The following CD226 variants were observed in gnomAD, a reference collection of about 807,000 sequenced individuals.
CD226 encodes CD226 antigen.
Under a neutral mutation model 34.9 loss-of-function variants are expected in CD226, and 24 were observed. The ratio of observed to expected loss-of-function variants is 0.69; its 90% CI spans 0.50 to 0.97. CD226 has a LOEUF of 0.97. Among genes scored for constraint, CD226 ranks in the 50% least tolerant of loss-of-function variants. CD226 has a pLI of 0.00. For missense variants in CD226, 397 were observed against 412.7 expected, an observed-to-expected ratio of 0.96 and a Z score of 0.33; for synonymous variants, 148 against 147.4, an observed-to-expected ratio of 1.00 and a Z score of -0.03.
Position 69,915,110 on chromosome 18 carries a change from A to G in CD226, c.383-19065T>C, listed in dbSNP as rs151142077. ...CACCATTTCATTTTATCCCTCTCAC[A>G]CAATAGCACCTGGACACGATTTCAA... is the stretch of plus-strand genomic sequence containing the variant. On this transcript the variant is annotated intron_variant, in intron 2 of 5. Coordinates refer to ENST00000582621, the MANE Select transcript of CD226 (RefSeq NM_001303618.2). Among the ~76,000 whole-genome samples the G allele has an allele frequency of 3.9e-5, 6 of 152,316 alleles. No individual in the cohort carries two copies. In the East Asian group the frequency reaches 1.2e-3, roughly 29 times the overall value.
At chr18:69,898,725 C>T (rs1027263443) in intron 2 of CD226, among the ~76,000 whole-genome samples, 2 of 152,142 alleles carry the variant, frequency 1.3e-5, no homozygotes, top group African/African-American at 4.8e-5. Context: ...AGACCTATTA[C>T]GAGGTCGGCC....
intron 5 of CD226, among the ~76,000 whole-genome samples, chr18:69,865,016 A>G (rs1201629276): frequency 6.6e-6 from 1 of 152,178 alleles, no homozygotes; most frequent in African/African-American, 2.4e-5. Context: ...TTTTTGAGTC[A>G]GAGTCTCGCT....
intron 2 of CD226, among the ~76,000 whole-genome samples, chr18:69,917,505 C>T (rs995485947): frequency 6.6e-6 from 1 of 152,190 alleles, no homozygotes; most frequent in South Asian, 2.1e-4. Flanking sequence ...GCACTTTATG[C>T]TCATATTTTA....
chr18:69,874,939 C>T (rs1983768374), intron 3 of CD226, among the ~76,000 whole-genome samples: 1 of 152,100 alleles, frequency 6.6e-6, no homozygotes, highest in Non-Finnish European at 1.5e-5. Context: ...AATAGTACTA[C>T]ATTGTGTCTA....
intron 3 of CD226, among the ~76,000 whole-genome samples, chr18:69,878,431 C>T (rs1984011229): frequency 6.6e-6 from 1 of 152,030 alleles, no homozygotes; most frequent in Non-Finnish European, 1.5e-5. Flanking sequence ...GTTATACACT[C>T]TTAGAAAAGG....
upstream of CD226, among the ~76,000 whole-genome samples, chr18:69,950,276 A>T (rs529771387): frequency 1.8e-4 from 28 of 152,198 alleles, no homozygotes; most frequent in Non-Finnish European, 3.7e-4. Context: ...TCTCTCTCTC[A>T]CACACATACT....
chr18:69,867,356 C>A lies in CD226; in HGVS notation c.885+1G>T, dbSNP rs760425838. Reference sequence around the variant, plus strand: ...AAAATGACAGTTCCGTATAAACTTACCTTCTGTGTATCCCAGGACTCTGTA... The same window carrying A: ...AAAATGACAGTTCCGTATAAACTTAACTTCTGTGTATCCCAGGACTCTGTA... On this transcript the variant is annotated splice_donor_variant, in intron 5 of 5. Coordinates refer to ENST00000582621, the MANE Select transcript of CD226 (RefSeq NM_001303618.2). LOFTEE classifies it high-confidence loss of function. 6.3e-7 allele frequency: 1 copy of A among 1,588,672 alleles called. No homozygotes were observed. The highest frequency in any genetic ancestry group is 8.6e-7 in the Non-Finnish European group (1 of 1,157,284).
In CD226 at chr18:69,864,185, C is replaced by T. The variant is rs1982985670; in HGVS notation, c.*129G>A. ...TGATTTTAGGTAATGAAGTATTTTTCCTATCAAAGTAACTCAATTCAGACA... is the reference window on the plus strand; with the variant it reads ...TGATTTTAGGTAATGAAGTATTTTTTCTATCAAAGTAACTCAATTCAGACA... On this transcript the variant is annotated 3_prime_UTR_variant, in exon 6 of 6. Coordinates refer to ENST00000582621, the MANE Select transcript of CD226 (RefSeq NM_001303618.2). 2 of 736,174 alleles carry T rather than the reference C, an allele frequency of 2.7e-6. No homozygotes were observed. The highest frequency in any genetic ancestry group is 4.4e-6 in the Non-Finnish European group (2 of 453,882). The allele number at this position is 736,174 out of a possible 1,614,324, so 45.6% of individuals were successfully genotyped here.
intron 2 of CD226, among the ~76,000 whole-genome samples, chr18:69,912,246 G>A (rs944871080): frequency 6.6e-6 from 1 of 152,148 alleles, no homozygotes; most frequent in Admixed American, 6.5e-5. Flanking sequence ...ATGGGCAAGG[G>A]CTTCATGCCT....
In CD226 at chr18:69,854,036, C is replaced by T. The variant is rs1185935823; in HGVS notation, c.*10278G>A. The T allele has an allele frequency of 6.6e-6, 1 of 152,082 alleles. No homozygotes were observed. The highest frequency in any genetic ancestry group is 1.5e-5 in the Non-Finnish European group (1 of 68,026). 9.4% of individuals were successfully genotyped at this position (152,082 alleles called of 1,614,324 possible). On this transcript the variant is annotated 3_prime_UTR_variant, in exon 6 of 6. Transcript: ENST00000582621. ...CAGGGCAAAGAGACAGGTCAGAAAC[C>T]ACGATAACAAAAAACATATGTGTTA...
intron 2 of CD226, among the ~76,000 whole-genome samples, chr18:69,907,033 G>C (rs1447435576): frequency 1.3e-5 from 2 of 152,170 alleles, no homozygotes; most frequent in African/African-American, 4.8e-5. Context: ...CTGATCCAGT[G>C]ACTGACCCTG....
At chr18:69,909,934 G>T (rs1023812768) in intron 2 of CD226, among the ~76,000 whole-genome samples, 5 of 152,162 alleles carry the variant, frequency 3.3e-5, no homozygotes, top group Admixed American at 1.3e-4. Context: ...GAAAAGTAAA[G>T]ATCAGTCTAT....
chr18:69,954,565 G>A (rs534146489), intron 1 of CD226, among the ~76,000 whole-genome samples: 10 of 152,092 alleles, frequency 6.6e-5, no homozygotes, highest in African/African-American at 9.6e-5. Flanking sequence ...ATCCACTCTC[G>A]GTGGTTTCTA....
chr18:69,934,279 T>TACATACAC lies in CD226; in HGVS notation c.382+12454_382+12455insGTGTATGT, dbSNP rs1555684029. Among the ~76,000 whole-genome samples, 685 of 73,206 alleles carry TACATACAC rather than the reference T, an allele frequency of 9.4e-3. 6 individuals are homozygous for TACATACAC. The highest frequency in any genetic ancestry group is 0.017 in the African/African-American group (645 of 37,428). 48.0% of individuals were successfully genotyped at this position (73,206 alleles called of 152,430 possible). The stretch of plus-strand genomic sequence containing the variant: ...GAAATGATCCTGTCCACACAGAGGA[T>TACATACAC]ACACACACACACACACACACACACA... On this transcript the variant is annotated intron_variant, in intron 2 of 5. Coordinates refer to ENST00000582621, the MANE Select transcript of CD226 (RefSeq NM_001303618.2).
At position 69,946,952 on chromosome 18, in the gene CD226, G is replaced by A. The variant is rs1367682918; in HGVS notation, c.164C>T (p.Thr55Ile). The change falls in exon 2 of 6, where the codon ACC becomes ATC. Residue 55 changes from threonine to isoleucine, a missense_variant. Physicochemically the swap from Thr to Ile is moderately conservative, Grantham distance 89. Transcript: ENST00000582621. The stretch of plus-strand genomic sequence containing the variant: ...GAAAATGGCTATGGAATCCTGCTGG[G>A]TCCCGATCTTGAACCACTCCACCTG... Reference protein sequence around the residue: ...LTQVEWFKIGTQQDSIAIFSP... With the variant: ...LTQVEWFKIGIQQDSIAIFSP... 6.2e-7 allele frequency: 1 copy of A among 1,614,154 alleles called. No individual in the cohort carries two copies. The highest frequency in any genetic ancestry group is 1.7e-5 in the Admixed American group (1 of 60,020).
chr18:69,907,763 T>G (rs1249551121), intron 2 of CD226, among the ~76,000 whole-genome samples: 1 of 152,158 alleles, frequency 6.6e-6, no homozygotes, highest in Non-Finnish European at 1.5e-5. Flanking sequence ...AGACATAGGA[T>G]TCTTCCTTTT....
intron 3 of CD226, among the ~76,000 whole-genome samples, chr18:69,892,656 T>C (rs1984973870): frequency 6.6e-6 from 1 of 152,226 alleles, no homozygotes; most frequent in Non-Finnish European, 1.5e-5. Flanking sequence ...GCCTGGATAC[T>C]TGACCTGCTG....
At chr18:69,928,323 G>C (rs2055548595) in intron 2 of CD226, among the ~76,000 whole-genome samples, 1 of 152,114 alleles carries the variant, frequency 6.6e-6, no homozygotes. Flanking sequence ...TATTGAGCAT[G>C]TCTCCTAAGG....
chr18:69,910,221 C>T (rs139445226), intron 2 of CD226, among the ~76,000 whole-genome samples: 1 of 152,330 alleles, frequency 6.6e-6, no homozygotes, highest in African/African-American at 2.4e-5. Context: ...ACCTTGGAGA[C>T]TTGCGTCCAA....
Sources: allele counts gnomAD v4.1 joint callset (sites outside exome capture counted in the v4.1 genomes callset), GRCh38; gene constraint gnomAD v4.1.1; transcripts MANE v1.5; gene names NCBI Gene and HGNC (gene_info 2026-07-23, HGNC 2026-07-21).